Variants in HHAT observed in about 807,000 individuals in gnomAD.
The protein encoded by HHAT is hedgehog acyltransferase, also known as protein-cysteine N-palmitoyltransferase HHAT.
In HHAT, 47 loss-of-function variants were observed where a neutral mutation model predicts 70.8. That is an observed-to-expected ratio of 0.66 (90% CI 0.53 to 0.85). HHAT has a LOEUF of 0.85. HHAT is among the 40% of genes least tolerant of loss of function. HHAT has a pLI of 0.00. For synonymous variants in HHAT, 228 were observed against 247.6 expected (o/e 0.92, Z 0.74); for missense variants, 609 against 604.8 (o/e 1.01, Z -0.07).
chr1:210,543,183 A>C (rs940011908), intron 9 of HHAT, among the ~76,000 whole-genome samples: 3 of 152,192 alleles, frequency 2.0e-5, no homozygotes, highest in Non-Finnish European at 4.4e-5. Flanking sequence ...ATTTTTAAAA[A>C]AAGAAATTCA....
intron 7 of HHAT, among the ~76,000 whole-genome samples, chr1:210,425,942 A>G (rs2093049113): frequency 1.3e-5 from 2 of 152,150 alleles, no homozygotes; most frequent in South Asian, 2.1e-4. Context: ...CAGTATGGCC[A>G]TTTTCACAAT....
chr1:210,458,616 C>G (rs1194419223), intron 7 of HHAT, among the ~76,000 whole-genome samples: 1 of 151,986 alleles, frequency 6.6e-6, no homozygotes, highest in Non-Finnish European at 1.5e-5. Context: ...GACCTCTAGG[C>G]AGAGAAATTG....
chr1:210,452,920 T>C (rs1488036387), intron 7 of HHAT, among the ~76,000 whole-genome samples: 1 of 152,220 alleles, frequency 6.6e-6, no homozygotes, highest in East Asian at 1.9e-4. Context: ...GAATGTACAT[T>C]AGAGTCCTTT....
chr1:210,616,888 C>G (rs779183065), intron 10 of HHAT, among the ~76,000 whole-genome samples: 3 of 152,142 alleles, frequency 2.0e-5, no homozygotes, highest in Non-Finnish European at 2.9e-5. Flanking sequence ...TTTTTTGCAT[C>G]ACAAGCTGTA....
At chr1:210,380,638 G>A (rs1342374153) in intron 3 of HHAT, among the ~76,000 whole-genome samples, 1 of 152,164 alleles carries the variant, frequency 6.6e-6, no homozygotes, top group Non-Finnish European at 1.5e-5. Flanking sequence ...GCATAGGCAA[G>A]GGACACCGAG....
intron 11 of HHAT, chr1:210,630,882 G>C: frequency 2.7e-6 from 1 of 367,376 alleles, no homozygotes; most frequent in East Asian, 7.3e-5. Context: ...GTGGAGGCGG[G>C]GGGCCAGCTC....
intron 8 of HHAT, among the ~76,000 whole-genome samples, chr1:210,510,771 C>T (rs548114282): frequency 3.3e-5 from 5 of 152,274 alleles, no homozygotes; most frequent in Non-Finnish European, 7.4e-5. Flanking sequence ...ATAGTACTTG[C>T]CACATTCTAA....
At chr1:210,598,948 C>T (rs1558245441) in intron 10 of HHAT, among the ~76,000 whole-genome samples, 1 of 152,112 alleles carries the variant, frequency 6.6e-6, no homozygotes, top group Non-Finnish European at 1.5e-5. Flanking sequence ...AACCCCAAGG[C>T]CTTATTTGGG....
At chr1:210,348,812 T>G in intron 1 of HHAT, 121 bp from the exon 2 acceptor site, 1 of 932,910 alleles carries the variant, frequency 1.1e-6, no homozygotes. Context: ...TTGATTGGGG[T>G]TATGTCTGTA....
intron 10 of HHAT, among the ~76,000 whole-genome samples, chr1:210,613,909 T>C (rs1224196278): frequency 1.3e-5 from 2 of 150,950 alleles, no homozygotes; most frequent in Non-Finnish European, 2.9e-5. Context: ...GGTCCCAGCT[T>C]CTTAGGAGGC....
At chr1:210,452,726 T>G (rs1266551848) in intron 7 of HHAT, among the ~76,000 whole-genome samples, 1 of 152,224 alleles carries the variant, frequency 6.6e-6, no homozygotes, top group Non-Finnish European at 1.5e-5. Flanking sequence ...AAAGGTAATA[T>G]TTCTTCAATT....
intron 9 of HHAT, among the ~76,000 whole-genome samples, chr1:210,542,496 A>AATATATAT (rs749840373): frequency 4.7e-5 from 7 of 149,440 alleles, no homozygotes; most frequent in African/African-American, 1.5e-4. Flanking sequence ...TTAAAAAAAA[A>AATATATAT]ATATATATAT....
chr1:210,642,956 A>C (rs1263913102), intron 11 of HHAT, among the ~76,000 whole-genome samples: 1 of 152,200 alleles, frequency 6.6e-6, no homozygotes, highest in Non-Finnish European at 1.5e-5. Flanking sequence ...GTTATCTTCT[A>C]TTAGTAGAAG....
At chr1:210,395,070 G>A (rs2091705209) in intron 4 of HHAT, among the ~76,000 whole-genome samples, 1 of 152,060 alleles carries the variant, frequency 6.6e-6, no homozygotes, top group African/African-American at 2.4e-5. Context: ...AATAAATTGT[G>A]TCATACATAA....
chr1:210,540,989 C>T (rs991885089), intron 9 of HHAT, among the ~76,000 whole-genome samples: 19 of 152,150 alleles, frequency 1.2e-4, no homozygotes, highest in African/African-American at 3.1e-4. Context: ...TACAGGCGCA[C>T]GCCGCCATGC....
chr1:210,329,133 TG>T, intron 1 of HHAT, 29 bp downstream of exon 1: 1 of 1,313,490 alleles, frequency 7.6e-7, no homozygotes. Flanking sequence ...TAGGGGGTCC[TG>T]GGGAGGTTAG....
intron 7 of HHAT, among the ~76,000 whole-genome samples, chr1:210,442,918 T>G (rs1223438132): frequency 6.6e-6 from 1 of 152,012 alleles, no homozygotes; most frequent in Admixed American, 6.6e-5. Flanking sequence ...AGACATGAAG[T>G]CCTTGCCCAT....
intron 9 of HHAT, among the ~76,000 whole-genome samples, chr1:210,565,577 AT>A (rs1654513253): frequency 6.6e-6 from 1 of 152,204 alleles, no homozygotes; most frequent in African/African-American, 2.4e-5. Context: ...ACAAGGAAGT[AT>A]CTAAAAAAAC....
At chr1:210,454,710 G>A (rs1311283136) in intron 7 of HHAT, among the ~76,000 whole-genome samples, 1 of 152,150 alleles carries the variant, frequency 6.6e-6, no homozygotes, top group Non-Finnish European at 1.5e-5. Context: ...GGAACAAGAT[G>A]GGCAAATAGG....
Sources: gnomAD v4.1 joint callset for allele counts (sites outside exome capture counted in the v4.1 genomes callset) on GRCh38, gnomAD v4.1.1 for gene constraint, MANE v1.5 for transcripts, NCBI Gene and HGNC (gene_info 2026-07-23, HGNC 2026-07-21) for gene names.